Variants in HCN1 observed in about 807,000 individuals in gnomAD.
HCN1 encodes the protein hyperpolarization activated cyclic nucleotide gated potassium channel 1.
HCN1 carries 13 observed loss-of-function variants against 78.9 expected under a neutral mutation model. The ratio of observed to expected loss-of-function variants is 0.16; its 90% CI spans 0.11 to 0.26. HCN1 has a LOEUF of 0.26. HCN1 is among the 10% of genes least tolerant of loss of function. The probability of loss-of-function intolerance (pLI) is 1.00; values close to 1 mark genes in which losing one functional copy is unlikely to be tolerated. For missense variants in HCN1, 810 were observed against 1,154.3 expected, an observed-to-expected ratio of 0.70 and a Z score of 4.32; for synonymous variants, 552 against 455.5, an observed-to-expected ratio of 1.21 and a Z score of -2.70.
At chr5:45,603,762 C>T (rs1401835803) in intron 2 of HCN1, among the ~76,000 whole-genome samples, 1 of 152,024 alleles carries the variant, frequency 6.6e-6, no homozygotes, top group Non-Finnish European at 1.5e-5. Flanking sequence ...TTATTGAAAA[C>T]ATGCCCCAAT....
chr5:45,343,241 A>C lies in HCN1; in HGVS notation c.1377+9859T>G, dbSNP rs113492766. Among the ~76,000 whole-genome samples, 202 of 152,296 alleles carry C rather than the reference A, an allele frequency of 1.3e-3. 2 individuals carry two copies. The highest frequency in any genetic ancestry group is 4.7e-3 in the African/African-American group (196 of 41,568). On this transcript the variant is annotated intron_variant, in intron 5 of 7. Transcript: ENST00000303230. ...CAGAGTATAGAGGGACTGGAAGATG[A>C]GCTTAGGGAGTCTATACTTGATTCA...
chr5:45,476,324 T>A (rs1741514492), intron 2 of HCN1, among the ~76,000 whole-genome samples: 1 of 152,106 alleles, frequency 6.6e-6, no homozygotes, highest in Admixed American at 6.6e-5. Flanking sequence ...CTATGCATTG[T>A]TTAAGCCACC....
At chr5:45,375,372 AT>A (rs1249406098) in intron 4 of HCN1, among the ~76,000 whole-genome samples, 1 of 125,930 alleles carries the variant, frequency 7.9e-6, no homozygotes, top group Non-Finnish European at 1.6e-5. Flanking sequence ...GATATACAAT[AT>A]ATATAATATA....
chr5:45,639,111 G>A (rs1745408161), intron 2 of HCN1, among the ~76,000 whole-genome samples: 1 of 152,214 alleles, frequency 6.6e-6, no homozygotes, highest in East Asian at 1.9e-4. Context: ...AATATCCATA[G>A]TCATCTTTTT....
At chr5:45,320,833 C>G (rs1169617130) in intron 5 of HCN1, among the ~76,000 whole-genome samples, 1 of 151,872 alleles carries the variant, frequency 6.6e-6, no homozygotes, top group Non-Finnish European at 1.5e-5. Context: ...AAATCTGAAT[C>G]TGAATCCCTT....
intron 2 of HCN1, 24 bp downstream of exon 2, chr5:45,645,161 A>T (rs771792920): frequency 1.3e-6 from 2 of 1,553,778 alleles, no homozygotes; most frequent in Non-Finnish European, 1.8e-6. Context: ...ATATAGATTT[A>T]AAAAAGAAAA....
At chr5:45,373,965 T>TA (rs1747508257) in intron 4 of HCN1, among the ~76,000 whole-genome samples, 1 of 91,978 alleles carries the variant, frequency 1.1e-5, no homozygotes, top group African/African-American at 4.1e-5. Flanking sequence ...ATATAATATA[T>TA]TACATACAGT....
At chr5:45,452,334 T>C (rs1352098590) in intron 3 of HCN1, among the ~76,000 whole-genome samples, 2 of 149,666 alleles carry the variant, frequency 1.3e-5, no homozygotes, top group Non-Finnish European at 3.0e-5. Context: ...TTTTTTTTGT[T>C]TTTTTTTTTA....
intron 6 of HCN1, among the ~76,000 whole-genome samples, chr5:45,297,741 C>T (rs956644008): frequency 1.3e-5 from 2 of 151,980 alleles, no homozygotes; most frequent in South Asian, 2.1e-4. Flanking sequence ...CAATCCAATA[C>T]ATTTTCACAT....
chr5:45,397,276 C>T (rs938046247), intron 3 of HCN1, among the ~76,000 whole-genome samples: 8 of 152,044 alleles, frequency 5.3e-5, no homozygotes, highest in African/African-American at 1.7e-4. Context: ...AGCCCTCTCT[C>T]GAAGTGATGT....
intron 2 of HCN1, among the ~76,000 whole-genome samples, chr5:45,523,874 A>G (rs1742669975): frequency 6.6e-6 from 1 of 152,024 alleles, no homozygotes; most frequent in Non-Finnish European, 1.5e-5. Flanking sequence ...ATTAGATCCC[A>G]TTTGTCAATT....
At chr5:45,613,338 C>A (rs534102539) in intron 2 of HCN1, among the ~76,000 whole-genome samples, 2 of 152,154 alleles carry the variant, frequency 1.3e-5, no homozygotes, top group Admixed American at 1.3e-4. Flanking sequence ...ATGAACTCAT[C>A]ATTTTTTATG....
chr5:45,508,071 T>C (rs1444811269), intron 2 of HCN1, among the ~76,000 whole-genome samples: 1 of 152,030 alleles, frequency 6.6e-6, no homozygotes, highest in Non-Finnish European at 1.5e-5. Context: ...ACAAAAGCAC[T>C]GAAAATTAAA....
chr5:45,396,239 A>G (rs1009007419), intron 4 of HCN1, among the ~76,000 whole-genome samples: 2 of 152,188 alleles, frequency 1.3e-5, no homozygotes, highest in African/African-American at 4.8e-5. Context: ...TTTGAAATAT[A>G]TAGCTATTTT....
At position 45,267,123 on chromosome 5, in the gene HCN1, A is replaced by G; in HGVS notation, c.1749T>C (p.Phe583=). 1 of 1,611,838 alleles carries G rather than the reference A, an allele frequency of 6.2e-7. No homozygotes were observed. The highest frequency in any genetic ancestry group is 8.5e-7 in the Non-Finnish European group (1 of 1,177,900). The change falls in exon 7 of 8, where the codon TTT becomes TTC. Residue 583 remains phenylalanine (F), a synonymous_variant. Coordinates refer to ENST00000303230, the MANE Select transcript of HCN1 (RefSeq NM_021072.4). ...CTAGTCGGTCAATGGCAACTGTCTC[A>G]AAGGCTCTCCTCATCATTGGATATT... is the stretch of plus-strand genomic sequence containing the variant. ...LEEYPMMRRA[F]ETVAIDRLDR... is the part of the protein sequence containing the mutation.
At chr5:45,438,302 A>T (rs1341909234) in intron 3 of HCN1, among the ~76,000 whole-genome samples, 1 of 152,144 alleles carries the variant, frequency 6.6e-6, no homozygotes, top group Non-Finnish European at 1.5e-5. Context: ...AATGGCTAAG[A>T]TGTTAAAGAG....
intron 2 of HCN1, chr5:45,643,450 C>A (rs1745491839): frequency 1.3e-5 from 2 of 152,084 alleles, no homozygotes; most frequent in African/African-American, 4.8e-5. Flanking sequence ...TGTTGTATTG[C>A]ATGGCCCACA....
At chr5:45,655,425 T>G (rs1297284106) in intron 1 of HCN1, among the ~76,000 whole-genome samples, 2 of 152,108 alleles carry the variant, frequency 1.3e-5, no homozygotes, top group African/African-American at 4.8e-5. Flanking sequence ...CAAATTGATT[T>G]TGAACCCAAG....
intron 2 of HCN1, among the ~76,000 whole-genome samples, chr5:45,587,277 C>A (rs1486244024): frequency 1.1e-4 from 17 of 152,120 alleles, no homozygotes; most frequent in Admixed American, 1.0e-3. Context: ...CTGTTCACAA[C>A]AGCAAAGACT....
Sources: gnomAD v4.1 joint callset for allele counts (sites outside exome capture counted in the v4.1 genomes callset) on GRCh38, gnomAD v4.1.1 for gene constraint, MANE v1.5 for transcripts, NCBI Gene and HGNC (gene_info 2026-07-23, HGNC 2026-07-21) for gene names.